The following ECPAS variants were observed in gnomAD, a reference collection of about 807,000 sequenced individuals.
ECPAS encodes the protein proteasome adapter and scaffold protein ECM29.
ECPAS carries 70 observed loss-of-function variants against 255.1 expected under a neutral mutation model. The ratio of observed to expected loss-of-function variants is 0.27; its 90% confidence interval spans 0.23 to 0.33. The LOEUF is 0.33. ECPAS is among the 10% of genes least tolerant of loss of function. The pLI is 1.00. For missense variants in ECPAS, 1,817 were observed against 2,206.4 expected (o/e 0.82, Z 3.54); for synonymous variants, 784 against 775.0 (o/e 1.01, Z -0.19).
In ECPAS at chr9:111,383,233, C is replaced by T. The variant is rs764165814; in HGVS notation, c.3781G>A (p.Val1261Met). ...CACCTGAGGGCTCGAACTTCCGTCA[C>T]GGTGCTCATCATTCCTTTGTCCAGA... ...CLLDKGMMST[V>M]TEVRALSINT... Residue 1261 changes from valine to methionine, a missense_variant, in exon 35 of 50, where the codon GTG (valine) becomes ATG (methionine). By Grantham distance (21) the Val-to-Met change is conservative. Around this residue, in one of 4 missense-constraint regions of ECPAS, gnomAD observed 960 missense variants for 1,179.0 expected, o/e 0.81. Transcript: ENST00000684092. 3.7e-5 allele frequency: 60 copies of T among 1,613,832 alleles called. No individual in the cohort carries two copies. In the East Asian group the frequency reaches 1.1e-3, roughly 29 times the overall value.
intron 1 of ECPAS, among the ~76,000 whole-genome samples, chr9:111,475,910 C>T (rs893262872): frequency 2.0e-5 from 3 of 152,158 alleles, no homozygotes; most frequent in Non-Finnish European, 2.9e-5. Context: ...AGCTTGGAAG[C>T]CTGTATTCTG....
chr9:111,361,967 A>C lies in ECPAS; in HGVS notation c.*63T>G. 1.3e-6 allele frequency: 2 copies of C among 1,558,334 alleles called. No homozygotes were observed. Among genetic ancestry groups the C allele is most frequent in the Non-Finnish European group, 1.7e-6 (2 of 1,152,206 alleles). ...TTTACTTTTTCCCACTTGGTTTTTCAAAGAACACCACCACTTCAACCCCCA... is the reference window on the plus strand; with the variant it reads ...TTTACTTTTTCCCACTTGGTTTTTCCAAGAACACCACCACTTCAACCCCCA... On this transcript the variant is annotated 3_prime_UTR_variant, in exon 50 of 50. Coordinates refer to ENST00000684092, the MANE Select transcript of ECPAS (RefSeq NM_001364929.1).
At chr9:111,399,004 T>C (rs907581781) in intron 24 of ECPAS, among the ~76,000 whole-genome samples, 4 of 152,162 alleles carry the variant, frequency 2.6e-5, no homozygotes, top group South Asian at 2.1e-4. Context: ...TAGTCAATAA[T>C]AATTTAATTG....
chr9:111,372,732 T>C, intron 41 of ECPAS, 112 bp from the exon 42 acceptor site: 2 of 863,252 alleles, frequency 2.3e-6, no homozygotes, highest in Non-Finnish European at 3.5e-6. Flanking sequence ...TAAAATCAAT[T>C]AGAAATGTTT....
chr9:111,457,751 T>C (rs189165822), intron 2 of ECPAS, among the ~76,000 whole-genome samples: 89 of 152,238 alleles, frequency 5.8e-4, no homozygotes, highest in African/African-American at 1.8e-3. Context: ...AAGGACCCAA[T>C]TGAGGTTAGT....
intron 13 of ECPAS, among the ~76,000 whole-genome samples, chr9:111,422,760 T>C (rs2098216061): frequency 6.6e-6 from 1 of 151,976 alleles, no homozygotes; most frequent in Admixed American, 6.6e-5. Flanking sequence ...CAGGAGGAAC[T>C]GGAATGAGGA....
intron 2 of ECPAS, among the ~76,000 whole-genome samples, chr9:111,456,324 G>C (rs563341489): frequency 6.6e-6 from 1 of 152,250 alleles, no homozygotes; most frequent in Admixed American, 6.5e-5. Flanking sequence ...ACGTAAAAAA[G>C]CACAGTGAGT....
chr9:111,363,488 A>G (rs919970895), intron 49 of ECPAS, 100 bp downstream of exon 49: 11 of 660,466 alleles, frequency 1.7e-5, no homozygotes, highest in Middle Eastern at 3.2e-4. Context: ...TGTATTTCAG[A>G]GTATATGCTT....
At chr9:111,388,768 T>C (rs948248795) in intron 31 of ECPAS, among the ~76,000 whole-genome samples, 4 of 152,172 alleles carry the variant, frequency 2.6e-5, no homozygotes, top group Non-Finnish European at 5.9e-5. Context: ...CAGAATTTGC[T>C]ACTAGATTCA....
Position 111,414,485 on chromosome 9 carries a change from G to T in ECPAS, c.1931C>A (p.Thr644Asn), listed in dbSNP as rs376705714. The T allele has an allele frequency of 1.2e-5, 20 of 1,613,882 alleles. No homozygotes were observed. The African/African-American group carries it at 1.6e-4, about 13-fold the overall frequency. Residue 644 changes from threonine to asparagine, a missense_variant, in exon 19 of 50, where the codon ACT becomes AAT. By Grantham distance (65) the Thr-to-Asn change is moderately conservative. This residue lies in a region of ECPAS where 573 missense variants were observed against 716.2 expected (regional missense o/e 0.80). Coordinates refer to ENST00000684092, the MANE Select transcript of ECPAS (RefSeq NM_001364929.1). ...APSSSNKSGE[T>N]NPVQIYIGLL... ...GCCAATGTAGATCTGGACAGGGTTA[G>T]TCTCCCCACTCTTGTTAGATGATGA...
At chr9:111,459,257 T>C (rs1236205981) in intron 2 of ECPAS, among the ~76,000 whole-genome samples, 5 of 152,140 alleles carry the variant, frequency 3.3e-5, no homozygotes, top group Non-Finnish European at 7.3e-5. Context: ...TTATTATCTT[T>C]TTCTTTTTTG....
chr9:111,372,096 G>A (rs1303183836), intron 42 of ECPAS, among the ~76,000 whole-genome samples: 1 of 152,122 alleles, frequency 6.6e-6, no homozygotes, highest in Non-Finnish European at 1.5e-5. Context: ...AACACATTTA[G>A]AAAACTACTC....
Position 111,405,491 on chromosome 9 carries a change from T to C in ECPAS, c.2652+3080A>G, listed in dbSNP as rs191288242. Among the ~76,000 whole-genome samples the C allele has an allele frequency of 1.6e-4, 24 of 149,790 alleles. 3 individuals carry two copies. The highest frequency in any genetic ancestry group is 8.1e-4 in the East Asian group (4 of 4,966). On this transcript the variant is annotated intron_variant, in intron 24 of 49. Coordinates refer to ENST00000684092, the MANE Select transcript of ECPAS (RefSeq NM_001364929.1). ...ACACTTCAGGATACTGGTCTGGGCA[T>C]AGATTTCTCAAGATCATAAAAGCAC...
chr9:111,417,778 A>G, intron 17 of ECPAS, 105 bp downstream of exon 17: 1 of 1,149,898 alleles, frequency 8.7e-7, no homozygotes, highest in Non-Finnish European at 1.2e-6. Context: ...AGAAAAAGAA[A>G]TTTTATGAGT....
At chr9:111,448,388 G>A (rs10122812) in intron 3 of ECPAS, among the ~76,000 whole-genome samples, 2,816 of 151,520 alleles carry the variant, frequency 0.019, 88 homozygotes, top group African/African-American at 0.064. Flanking sequence ...AACAGGTTTT[G>A]GAGAAAAAAA....
chr9:111,397,094 T>A lies in ECPAS; in HGVS notation c.2712A>T (p.Gly904=), dbSNP rs2098168717. Residue 904 remains glycine (G), a synonymous_variant, in exon 25 of 50, where the codon GGA becomes GGT. Transcript: ENST00000684092. The stretch of plus-strand genomic sequence containing the variant: ...CATCTCGGGCAGCCACAGAACTAGT[T>A]CCTATTGCAGCACTGGTAATGGCTT... ...IGEAITSAAI[G]TSSVAARDAW... 1 of 1,613,934 alleles carries A rather than the reference T, an allele frequency of 6.2e-7. No homozygotes were observed. Among genetic ancestry groups the A allele is most frequent in the African/African-American group, 1.3e-5 (1 of 75,058 alleles).
At chr9:111,451,078 T>G (rs117603622) in intron 3 of ECPAS, among the ~76,000 whole-genome samples, 1 of 152,220 alleles carries the variant, frequency 6.6e-6, no homozygotes, top group Non-Finnish European at 1.5e-5. Flanking sequence ...TTATAATCAT[T>G]GTCAACAATT....
intron 8 of ECPAS, among the ~76,000 whole-genome samples, chr9:111,431,670 T>C (rs1264315427): frequency 6.6e-6 from 1 of 152,130 alleles, no homozygotes; most frequent in East Asian, 1.9e-4. Context: ...TTCATTTGAC[T>C]GGTTTACCAT....
At chr9:111,461,528 AAGT>A (rs2098273150) in intron 2 of ECPAS, among the ~76,000 whole-genome samples, 1 of 152,170 alleles carries the variant, frequency 6.6e-6, no homozygotes, top group Non-Finnish European at 1.5e-5. Context: ...AACAAAAAAT[AAGT>A]AGACCACTTG....
Sources: gnomAD v4.1 joint callset for allele counts (sites outside exome capture counted in the v4.1 genomes callset) on GRCh38, gnomAD v4.1.1 for gene constraint, gnomAD v4.1.1 regional missense constraint, MANE v1.5 for transcripts, NCBI Gene and HGNC (gene_info 2026-07-23, HGNC 2026-07-21) for gene names.